Variants in THSD7B observed in about 807,000 individuals in gnomAD.
THSD7B encodes thrombospondin type-1 domain-containing protein 7B.
THSD7B carries 138 observed loss-of-function variants against 213.6 expected under a neutral mutation model. The observed-to-expected ratio is 0.65, with a 90% CI of 0.56 to 0.74. The LOEUF is 0.74. THSD7B is among the 30% of genes least tolerant of loss of function. THSD7B has a pLI of 0.00. For synonymous variants in THSD7B, 742 were observed against 687.0 expected (o/e 1.08, Z -1.25); for missense variants, 1,931 against 1,991.5 (o/e 0.97, Z 0.58).
chr2:137,159,142 C>G (rs1222188007), intron 5 of THSD7B, among the ~76,000 whole-genome samples: 1 of 152,042 alleles, frequency 6.6e-6, no homozygotes, highest in African/African-American at 2.4e-5. Context: ...TAGAAAGAGT[C>G]TCCTGGCGGC....
intron 12 of THSD7B, among the ~76,000 whole-genome samples, chr2:137,319,556 C>G (rs1684217598): frequency 6.6e-6 from 1 of 152,174 alleles, no homozygotes; most frequent in Non-Finnish European, 1.5e-5. Context: ...ACTTCATGTT[C>G]AATATTGTGT....
intron 14 of THSD7B, among the ~76,000 whole-genome samples, chr2:137,443,457 G>C (rs1687462744): frequency 6.6e-6 from 1 of 151,982 alleles, no homozygotes; most frequent in East Asian, 1.9e-4. Flanking sequence ...TACATTATTT[G>C]TATCATACAA....
intron 12 of THSD7B, among the ~76,000 whole-genome samples, chr2:137,290,492 C>T (rs1240061642): frequency 6.6e-6 from 1 of 152,076 alleles, no homozygotes; most frequent in African/African-American, 2.4e-5. Context: ...GTCGCTGAGC[C>T]CCGCTTCTCT....
chr2:136,770,671 C>T (rs1681488293), intron 1 of THSD7B, among the ~76,000 whole-genome samples: 1 of 152,162 alleles, frequency 6.6e-6, no homozygotes, highest in African/African-American at 2.4e-5. Flanking sequence ...ATGCCCCAGA[C>T]CTACCAACTG....
chr2:136,966,342 A>G (rs1685313077), intron 2 of THSD7B, among the ~76,000 whole-genome samples: 1 of 151,944 alleles, frequency 6.6e-6, no homozygotes, highest in African/African-American at 2.4e-5. Flanking sequence ...CTCAGCCTCC[A>G]GAATAGCTAG....
At chr2:136,772,899 T>C (rs922074183) in intron 1 of THSD7B, among the ~76,000 whole-genome samples, 1 of 152,166 alleles carries the variant, frequency 6.6e-6, no homozygotes, top group African/African-American at 2.4e-5. Flanking sequence ...TATAATAAAC[T>C]CATTTCCAAT....
intron 12 of THSD7B, among the ~76,000 whole-genome samples, chr2:137,342,741 G>A (rs1318082691): frequency 8.6e-5 from 13 of 150,740 alleles, no homozygotes; most frequent in South Asian, 2.1e-4. Flanking sequence ...TTGTTTTATC[G>A]TGAAACTATG....
intron 12 of THSD7B, among the ~76,000 whole-genome samples, chr2:137,403,984 G>C (rs1480289724): frequency 2.0e-5 from 3 of 152,120 alleles, no homozygotes; most frequent in East Asian, 1.9e-4. Context: ...TGTTGATCTA[G>C]AGAATATAAA....
chr2:136,923,586 G>T (rs1034756456), intron 2 of THSD7B, among the ~76,000 whole-genome samples: 5 of 151,980 alleles, frequency 3.3e-5, no homozygotes, highest in African/African-American at 1.2e-4. Context: ...ATCATACAAG[G>T]GTTCCAATTT....
At chr2:137,418,011 G>A (rs780155551) in intron 14 of THSD7B, among the ~76,000 whole-genome samples, 1 of 152,182 alleles carries the variant, frequency 6.6e-6, no homozygotes, top group African/African-American at 2.4e-5. Context: ...GAATAATAGT[G>A]TCTGGGCTAA....
chr2:137,674,585 C>G (rs1446255970), intron 27 of THSD7B, among the ~76,000 whole-genome samples: 1 of 152,186 alleles, frequency 6.6e-6, no homozygotes, highest in African/African-American at 2.4e-5. Flanking sequence ...GTCACTGGAA[C>G]ATACTTAGTA....
At chr2:137,264,605 C>G in intron 10 of THSD7B, among the ~76,000 whole-genome samples, 1 of 152,050 alleles carries the variant, frequency 6.6e-6, no homozygotes, top group East Asian at 1.9e-4. Context: ...GTTGTTTTCC[C>G]CTCATATTAA....
intron 11 of THSD7B, among the ~76,000 whole-genome samples, 162 bp from the exon 12 acceptor site, chr2:137,275,761 T>C (rs1226653849): frequency 1.3e-5 from 2 of 152,172 alleles, no homozygotes; most frequent in African/African-American, 4.8e-5. Context: ...TGGACTATTG[T>C]CATTCTAGTG....
intron 2 of THSD7B, among the ~76,000 whole-genome samples, chr2:137,038,098 T>C (rs1189977876): frequency 6.6e-6 from 1 of 152,226 alleles, no homozygotes; most frequent in Non-Finnish European, 1.5e-5. Context: ...TTCCTTATTA[T>C]GCATTTTGGG....
chr2:137,565,196 T>C (rs1681209524), intron 16 of THSD7B, among the ~76,000 whole-genome samples: 1 of 152,210 alleles, frequency 6.6e-6, no homozygotes, highest in South Asian at 2.1e-4. Flanking sequence ...TTCTGTCATT[T>C]AAGTGACCCA....
intron 2 of THSD7B, among the ~76,000 whole-genome samples, chr2:137,004,238 G>A (rs1318005392): frequency 2.0e-5 from 3 of 151,554 alleles, no homozygotes; most frequent in Admixed American, 6.6e-5. Context: ...TATAGATAGG[G>A]CTGCTGACCT....
intron 5 of THSD7B, among the ~76,000 whole-genome samples, chr2:137,154,430 A>G (rs1416089253): frequency 6.6e-6 from 1 of 152,178 alleles, no homozygotes; most frequent in Non-Finnish European, 1.5e-5. Context: ...AATGACTCTT[A>G]TAGTACCTCT....
At chr2:137,564,909 C>G (rs1446488720) in intron 16 of THSD7B, among the ~76,000 whole-genome samples, 1 of 152,046 alleles carries the variant, frequency 6.6e-6, no homozygotes, top group Non-Finnish European at 1.5e-5. Flanking sequence ...AAGTTAGAAC[C>G]CTCAGTAGCT....
chr2:137,538,873 T>C (rs1680555767), intron 15 of THSD7B, among the ~76,000 whole-genome samples: 1 of 151,654 alleles, frequency 6.6e-6, no homozygotes, highest in South Asian at 2.1e-4. Flanking sequence ...GTCTTAAATG[T>C]CATTGCCATG....
Sources: gnomAD v4.1 joint callset for allele counts (sites outside exome capture counted in the v4.1 genomes callset) on GRCh38, gnomAD v4.1.1 for gene constraint, MANE v1.5 for transcripts, NCBI Gene and HGNC (gene_info 2026-07-23, HGNC 2026-07-21) for gene names.